The following ARID4A variants were observed in gnomAD, a reference collection of about 807,000 sequenced individuals.
ARID4A encodes AT-rich interaction domain 4A.
A neutral mutation model predicts 148.6 loss-of-function variants in ARID4A; 39 were observed. The observed-to-expected ratio is 0.26, with a 90% CI of 0.20 to 0.34. The LOEUF is 0.34. Among genes scored for constraint, ARID4A ranks in the 10% least tolerant of loss-of-function variants. The pLI is 1.00. For missense variants in ARID4A, 1,265 were observed against 1,449.1 expected, an observed-to-expected ratio of 0.87 and a Z score of 2.06; for synonymous variants, 475 against 481.2, an observed-to-expected ratio of 0.99 and a Z score of 0.17.
At chr14:58,319,477 G>A (rs938768533) in intron 7 of ARID4A, among the ~76,000 whole-genome samples, 1 of 137,530 alleles carries the variant, frequency 7.3e-6, no homozygotes, top group African/African-American at 2.7e-5. Context: ...CTTAAAGATT[G>A]CAAGAATAAT....
intron 17 of ARID4A, among the ~76,000 whole-genome samples, chr14:58,356,699 A>ATTT (rs1174156900): frequency 2.3e-5 from 3 of 128,070 alleles, no homozygotes; most frequent in Non-Finnish European, 3.4e-5. Context: ...TTGAATTTTG[A>ATTT]TTTTTTTTTT....
At chr14:58,314,636 C>G (rs1381716687) in intron 5 of ARID4A, among the ~76,000 whole-genome samples, 2 of 151,926 alleles carry the variant, frequency 1.3e-5, no homozygotes, top group Non-Finnish European at 2.9e-5. Flanking sequence ...GCTGTGTTAG[C>G]CAGGCTGGTC....
intron 8 of ARID4A, 24 bp from the exon 9 acceptor site, chr14:58,328,213 A>C (rs375234834): frequency 6.7e-7 from 1 of 1,496,492 alleles, no homozygotes; most frequent in East Asian, 2.3e-5. Flanking sequence ...ATAGGAATCA[A>C]TCTGTTCTTA....
At chr14:58,349,945 C>T (rs2034555953) in intron 15 of ARID4A, among the ~76,000 whole-genome samples, 1 of 151,288 alleles carries the variant, frequency 6.6e-6, no homozygotes, top group Non-Finnish European at 1.5e-5. Flanking sequence ...CCTGTCTCTA[C>T]TAAAAATACA....
intron 5 of ARID4A, among the ~76,000 whole-genome samples, chr14:58,307,672 T>C (rs961151082): frequency 6.6e-6 from 1 of 152,120 alleles, no homozygotes; most frequent in African/African-American, 2.4e-5. Flanking sequence ...ATACAAAAAT[T>C]AGCTGGGTGT....
chr14:58,346,727 A>G (rs2034381489), intron 13 of ARID4A, among the ~76,000 whole-genome samples: 1 of 151,766 alleles, frequency 6.6e-6, no homozygotes, highest in African/African-American at 2.4e-5. Flanking sequence ...CAGGAATTCA[A>G]GACTAGCCTG....
chr14:58,302,892 C>G (rs1159694911), intron 3 of ARID4A, among the ~76,000 whole-genome samples: 2 of 151,958 alleles, frequency 1.3e-5, no homozygotes, highest in Non-Finnish European at 2.9e-5. Flanking sequence ...CCTGGGAGGT[C>G]AAGGCTGCAG....
intron 11 of ARID4A, among the ~76,000 whole-genome samples, chr14:58,343,785 G>A (rs376718953): frequency 4.6e-4 from 70 of 151,530 alleles, no homozygotes; most frequent in African/African-American, 1.6e-3. Flanking sequence ...AGCCGAGGTC[G>A]TGCCATTACA....
chr14:58,300,425 G>A (rs1266843445), intron 2 of ARID4A, among the ~76,000 whole-genome samples: 1 of 152,186 alleles, frequency 6.6e-6, no homozygotes, highest in Non-Finnish European at 1.5e-5. Context: ...TATGTGGATG[G>A]TTAAAGGGAA....
Position 58,365,012 on chromosome 14 carries a change from A to C in ARID4A, c.2923A>C (p.Ile975Leu). Residue 975 changes from isoleucine (I) to leucine (L), a missense_variant, in exon 20 of 24, where the codon ATT (isoleucine) becomes CTT (leucine). Coordinates refer to ENST00000355431, the MANE Select transcript of ARID4A (RefSeq NM_002892.4). The stretch of plus-strand genomic sequence containing the variant: ...TTTGGATGAAAAGGATAAGACCAGC[A>C]TTGAGGATGTAGCAGTTGAAAGCTC... ...DDLDEKDKTS[I>L]EDVAVESSES... 1.2e-6 allele frequency: 2 copies of C among 1,614,130 alleles called. No individual in the cohort carries two copies. The highest frequency in any genetic ancestry group is 1.6e-4 in the Middle Eastern group (1 of 6,062).
At chr14:58,339,234 C>A (rs918522306) in intron 11 of ARID4A, among the ~76,000 whole-genome samples, 2 of 151,952 alleles carry the variant, frequency 1.3e-5, no homozygotes, top group African/African-American at 2.4e-5. Flanking sequence ...GCCTGGCCCT[C>A]CCAAAGTGCT....
intron 7 of ARID4A, among the ~76,000 whole-genome samples, chr14:58,322,963 CAAAAAAAA>C (rs386381476): frequency 2.4e-5 from 1 of 42,246 alleles, no homozygotes; most frequent in African/African-American, 1.1e-4. Context: ...ACTCCATTTC[CAAAAAAAA>C]AAAAAAAAAA....
intron 23 of ARID4A, among the ~76,000 whole-genome samples, chr14:58,369,728 A>G (rs1205520869): frequency 6.6e-6 from 1 of 152,166 alleles, no homozygotes; most frequent in Non-Finnish European, 1.5e-5. Context: ...TCTCAATGGT[A>G]GTACTAGAAA....
chr14:58,308,492 G>A (rs889438689), intron 5 of ARID4A, among the ~76,000 whole-genome samples: 9 of 152,188 alleles, frequency 5.9e-5, no homozygotes, highest in African/African-American at 1.9e-4. Context: ...TTGCACTTAC[G>A]TGCATGAAGG....
chr14:58,319,806 G>A (rs1331474381), intron 7 of ARID4A, among the ~76,000 whole-genome samples: 1 of 151,478 alleles, frequency 6.6e-6, no homozygotes, highest in African/African-American at 2.4e-5. Flanking sequence ...GCCTCTCAAA[G>A]TGCTGACTGG....
intron 11 of ARID4A, among the ~76,000 whole-genome samples, chr14:58,334,639 G>A (rs999975037): frequency 6.6e-6 from 1 of 152,108 alleles, no homozygotes; most frequent in Non-Finnish European, 1.5e-5. Context: ...CTTCAGATGC[G>A]AGCATGCTGT....
intron 8 of ARID4A, among the ~76,000 whole-genome samples, chr14:58,325,947 T>A (rs1351635799): frequency 6.6e-6 from 1 of 152,162 alleles, no homozygotes; most frequent in South Asian, 2.1e-4. Context: ...GACACTATTC[T>A]TACATTTGAC....
At chr14:58,307,929 C>T (rs758906688) in intron 5 of ARID4A, among the ~76,000 whole-genome samples, 14 of 152,014 alleles carry the variant, frequency 9.2e-5, no homozygotes, top group Non-Finnish European at 1.8e-4. Flanking sequence ...GTAGAATCAC[C>T]GGAAAATATA....
At chr14:58,317,397 G>A (rs528610997) in intron 5 of ARID4A, among the ~76,000 whole-genome samples, 3 of 147,182 alleles carry the variant, frequency 2.0e-5, no homozygotes, top group South Asian at 4.3e-4. Flanking sequence ...CCATTCTCCC[G>A]CCTCAGCCTC....
Sources: allele counts gnomAD v4.1 joint callset (sites outside exome capture counted in the v4.1 genomes callset), GRCh38; gene constraint gnomAD v4.1.1; transcripts MANE v1.5; gene names NCBI Gene and HGNC (gene_info 2026-07-23, HGNC 2026-07-21).